FAM131B: variants seen among roughly 807,000 people sequenced by gnomAD.
FAM131B encodes protein FAM131B.
FAM131B carries 19 observed loss-of-function variants against 42.0 expected under a neutral mutation model. The ratio of observed to expected loss-of-function variants is 0.45; its 90% CI spans 0.32 to 0.66. The LOEUF is 0.66. FAM131B is among the 30% of genes least tolerant of loss of function. The pLI is 0.05. For synonymous variants in FAM131B, 183 were observed against 177.6 expected, an observed-to-expected ratio of 1.03 and a Z score of -0.24; for missense variants, 370 against 468.4, an observed-to-expected ratio of 0.79 and a Z score of 1.94.
the FAM131B span, among the ~76,000 whole-genome samples, chr7:143,368,441 A>G: frequency 6.6e-6 from 1 of 152,220 alleles, no homozygotes; most frequent in Non-Finnish European, 1.5e-5. Flanking sequence ...CAGGAACTGG[A>G]AGGCTTGTCC....
upstream of FAM131B, chr7:143,362,894 C>T (rs1196518058): frequency 6.6e-6 from 1 of 151,718 alleles, no homozygotes. The surrounding 1 kb of genome is among the most constrained non-coding windows in gnomAD (Gnocchi z 7.7). Context: ...CCGGCCGTGC[C>T]GGGGCGCTCC....
At chr7:143,372,334 T>C in the FAM131B span, among the ~76,000 whole-genome samples, 1 of 152,130 alleles carries the variant, frequency 6.6e-6, no homozygotes, top group African/African-American at 2.4e-5. Context: ...TTGAGACAGA[T>C]GTAAGGGAGT....
rs558101250 is a variant in FAM131B at position 143,355,970 on chromosome 7, A to T, written c.*580T>A. ...GACTCCTGATCTCAGAAGCCAAATG[A>T]CCTGCTGAGGCAGCCTCTCCACCCT... On this transcript the variant is annotated 3_prime_UTR_variant, in exon 7 of 7. Transcript: ENST00000443739. This position sits in a 1 kb window ranked among gnomAD's most constrained non-coding sequence, Gnocchi z 4.1. 6.4e-6 allele frequency: 1 copy of T among 155,746 alleles called. No homozygotes were observed. The highest frequency in any genetic ancestry group is 2.4e-5 in the African/African-American group (1 of 41,474). 9.6% of individuals were successfully genotyped at this position (155,746 alleles called of 1,614,324 possible).
At chr7:143,381,426 G>C in the FAM131B span, 2 of 1,255,724 alleles carry the variant, frequency 1.6e-6, no homozygotes, top group Non-Finnish European at 2.0e-6. Flanking sequence ...CGCGGGGAGC[G>C]GCAGGGCGGC....
chr7:143,357,339 G>A lies in FAM131B; in HGVS notation c.551C>T (p.Thr184Ile), dbSNP rs568153413. ...MDGEDMSVNS[T>I]QEPLGCNYSD... is the part of the protein sequence containing the mutation. ...GTAGTTGCAGCCCAATGGCTCCTGG[G>A]TGGAGTTCACACTCATGTCCTCACC... is the stretch of plus-strand genomic sequence containing the variant. Residue 184 changes from threonine (T) to isoleucine (I), a missense_variant, in exon 6 of 7, where the codon ACC (threonine) becomes ATC (isoleucine). Transcript: ENST00000443739. 1 of 1,613,918 alleles carries A rather than the reference G, an allele frequency of 6.2e-7. No individual in the cohort carries two copies. Among genetic ancestry groups the A allele is most frequent in the East Asian group, 2.2e-5 (1 of 44,882 alleles).
the FAM131B span, among the ~76,000 whole-genome samples, chr7:143,369,490 C>A: frequency 1.3e-5 from 2 of 152,024 alleles, no homozygotes; most frequent in Admixed American, 1.3e-4. Flanking sequence ...GCCTGGCCAA[C>A]ACGGTGAAAC....
Position 143,356,873 on chromosome 7 carries a change from C to G in FAM131B, c.760G>C (p.Asp254His). 2 of 1,614,124 alleles carry G rather than the reference C, an allele frequency of 1.2e-6. No individual in the cohort carries two copies. Among genetic ancestry groups the G allele is most frequent in the Non-Finnish European group, 1.7e-6 (2 of 1,180,030 alleles). ...ATGSYLGPAFDDSQPSLHEMG... is the reference protein window; with the variant it reads ...ATGSYLGPAFHDSQPSLHEMG... ...TCATGCAAGCTGGGTTGTGAGTCAT[C>G]AAATGCAGGCCCAAGATAGGATCCT... Residue 254 changes from aspartate to histidine, a missense_variant, in exon 7 of 7, where the codon GAT (aspartate) becomes CAT (histidine). Coordinates refer to ENST00000443739, the MANE Select transcript of FAM131B (RefSeq NM_001031690.3). This position sits in a 1 kb window ranked among gnomAD's most constrained non-coding sequence, Gnocchi z 4.4.
the FAM131B span, chr7:143,382,271 C>T: frequency 4.3e-6 from 7 of 1,612,758 alleles, no homozygotes; most frequent in African/African-American, 9.3e-5. Flanking sequence ...TCCACCTCCC[C>T]TTGCTGGGGA....
chr7:143,359,209 A>C lies in FAM131B; in HGVS notation c.268+117T>G. 9.9e-7 allele frequency: 1 copy of C among 1,014,616 alleles called. No homozygotes were observed. Among genetic ancestry groups the C allele is most frequent in the Admixed American group, 2.0e-5 (1 of 49,352 alleles). 62.9% of individuals were successfully genotyped at this position (1,014,616 alleles called of 1,614,324 possible). On this transcript the variant is annotated intron_variant, in intron 4 of 6. Transcript: ENST00000443739. The surrounding 1 kb of genome is among the most constrained non-coding windows in gnomAD (Gnocchi z 5.4). ...GGATGGGAGGCTTGACAGAAGGGTG[A>C]ATAGGTCAGGGGGTGGGGATGAGGG...
upstream of FAM131B, among the ~76,000 whole-genome samples, chr7:143,367,199 G>C (rs1401495414): frequency 6.6e-6 from 1 of 152,244 alleles, no homozygotes; most frequent in African/African-American, 2.4e-5. Flanking sequence ...GGCTCAGCCA[G>C]TTAGTTATAG....
At chr7:143,362,765 T>TCGCCGCCGCCGC (rs559900593), upstream of FAM131B, 151 of 237,840 alleles carry the variant, frequency 6.3e-4, 2 homozygotes, top group Admixed American at 1.5e-3. This position sits in a 1 kb window ranked among gnomAD's most constrained non-coding sequence, Gnocchi z 7.7. Flanking sequence ...GGCAGCTCCG[T>TCGCCGCCGCCGC]CGCCGCCGCC....
upstream of FAM131B, among the ~76,000 whole-genome samples, chr7:143,366,508 G>C (rs900583349): frequency 6.6e-6 from 1 of 151,804 alleles, no homozygotes; most frequent in Non-Finnish European, 1.5e-5. Context: ...GGTAAGAATA[G>C]TCTTGGGGAC....
chr7:143,366,188 G>C (rs1804178150), upstream of FAM131B, among the ~76,000 whole-genome samples: 1 of 152,158 alleles, frequency 6.6e-6, no homozygotes, highest in South Asian at 2.1e-4. Context: ...GTTCTTTCAC[G>C]CTTGTCTTTT....
In FAM131B at chr7:143,358,798, T is replaced by G; in HGVS notation, c.466+29A>C. On this transcript the variant is annotated intron_variant, in intron 5 of 6. Transcript: ENST00000443739. This position sits in a 1 kb window ranked among gnomAD's most constrained non-coding sequence, Gnocchi z 4.7. ...TCGGTCCCTGGCCATCCTGCAAATG[T>G]GTCTCTTGAGGCTTTAGGGTACCTG... The G allele has an allele frequency of 6.2e-7, 1 of 1,602,428 alleles. No individual in the cohort carries two copies. The highest frequency in any genetic ancestry group is 8.5e-7 in the Non-Finnish European group (1 of 1,171,160).
intron 1 of FAM131B, 145 bp from the exon 2 acceptor site, chr7:143,360,294 C>A (rs1803898025): frequency 2.7e-6 from 4 of 1,461,686 alleles, no homozygotes; most frequent in Non-Finnish European, 3.6e-6. Context: ...CTAGGGGAGA[C>A]AAGTAGTAAT....
At chr7:143,381,301 G>T in the FAM131B span, 1 of 1,097,434 alleles carries the variant, frequency 9.1e-7, no homozygotes. Flanking sequence ...TCCTCCTTCC[G>T]TGTGTCCCTC....
intron 1 of FAM131B, 73 bp from the exon 2 acceptor site, chr7:143,360,222 C>T (rs1803893859): frequency 1.3e-6 from 2 of 1,543,684 alleles, no homozygotes; most frequent in African/African-American, 1.4e-5. Flanking sequence ...GGGGCCAGCC[C>T]TTCACACCCC....
chr7:143,363,403 C>A (rs1284015845), upstream of FAM131B, among the ~76,000 whole-genome samples: 1 of 152,122 alleles, frequency 6.6e-6, no homozygotes, highest in South Asian at 2.1e-4. Context: ...TCGCAGTAGA[C>A]TAACAACAAT....
chr7:143,382,072 G>A, the FAM131B span: 1 of 625,948 alleles, frequency 1.6e-6, no homozygotes, highest in Non-Finnish European at 2.7e-6. Flanking sequence ...TCGGCAGTGC[G>A]CCCGGCCTTT....
Sources: allele counts gnomAD v4.1 joint callset (sites outside exome capture counted in the v4.1 genomes callset), GRCh38; gene constraint gnomAD v4.1.1; non-coding constraint Gnocchi (gnomAD v3.1); transcripts MANE v1.5; gene names NCBI Gene and HGNC (gene_info 2026-07-23, HGNC 2026-07-21).